Variants in PRKCH observed in about 807,000 individuals in gnomAD.
The protein encoded by PRKCH is protein kinase C eta type.
In PRKCH, 28 loss-of-function variants were observed where a neutral mutation model predicts 82.5. The ratio of observed to expected loss-of-function variants is 0.34; its 90% confidence interval spans 0.25 to 0.47. The LOEUF is 0.47. Among genes scored for constraint, PRKCH ranks in the 20% least tolerant of loss-of-function variants. The probability of loss-of-function intolerance (pLI) is 1.00; values close to 1 mark genes in which losing one functional copy is unlikely to be tolerated. For missense variants in PRKCH, 705 were observed against 881.8 expected, an observed-to-expected ratio of 0.80 and a Z score of 2.54; for synonymous variants, 322 against 327.4, an observed-to-expected ratio of 0.98 and a Z score of 0.18.
intron 10 of PRKCH, among the ~76,000 whole-genome samples, chr14:61,513,608 T>G (rs531088176): frequency 1.7e-4 from 26 of 152,284 alleles, no homozygotes; most frequent in Non-Finnish European, 3.7e-4. Flanking sequence ...TTTTATAAAA[T>G]GTATTAAAAG....
intron 2 of PRKCH, among the ~76,000 whole-genome samples, chr14:61,424,493 C>A (rs1883008715): frequency 6.6e-6 from 1 of 152,202 alleles, no homozygotes; most frequent in Non-Finnish European, 1.5e-5. Flanking sequence ...GTGACTCTTG[C>A]TATGCTTTAG....
chr14:61,326,127 T>C (rs2045692760), intron 1 of PRKCH, among the ~76,000 whole-genome samples: 1 of 152,222 alleles, frequency 6.6e-6, no homozygotes, highest in South Asian at 2.1e-4. Flanking sequence ...AAATCATTCA[T>C]ACAAAAGCTT....
chr14:61,391,904 G>C (rs1203168892), intron 2 of PRKCH, among the ~76,000 whole-genome samples: 1 of 152,078 alleles, frequency 6.6e-6, no homozygotes, highest in South Asian at 2.1e-4. Flanking sequence ...ACATTTCCCT[G>C]TACCCTTTTT....
chr14:61,449,533 C>T (rs901891245), intron 5 of PRKCH, among the ~76,000 whole-genome samples: 1 of 152,076 alleles, frequency 6.6e-6, no homozygotes, highest in African/African-American at 2.4e-5. Flanking sequence ...TAGTGGTTGG[C>T]TGGGTATAAG....
intron 2 of PRKCH, among the ~76,000 whole-genome samples, chr14:61,429,927 C>T (rs888998215): frequency 6.6e-6 from 1 of 152,144 alleles, no homozygotes; most frequent in Non-Finnish European, 1.5e-5. Context: ...CCGCTGTCTT[C>T]CAATATGTAT....
At chr14:61,243,091 A>G (rs112497614) in intron 1 of PRKCH, among the ~76,000 whole-genome samples, 89,672 of 152,036 alleles carry the variant, frequency 0.59, 27,575 homozygotes, top group Non-Finnish European at 0.67. Context: ...TCTGAAAAAA[A>G]AAAATTACTT....
chr14:61,344,906 G>T (rs886573292), intron 1 of PRKCH, among the ~76,000 whole-genome samples: 2 of 152,086 alleles, frequency 1.3e-5, no homozygotes, highest in Non-Finnish European at 2.9e-5. Flanking sequence ...GAACCCCCCA[G>T]TTGATTGATT....
chr14:61,193,973 A>ATGGCTG (rs1047423257), intron 1 of PRKCH, among the ~76,000 whole-genome samples: 1 of 152,024 alleles, frequency 6.6e-6, no homozygotes, highest in African/African-American at 2.4e-5. Context: ...TAGGCCCACC[A>ATGGCTG]TGGCTGTCTA....
chr14:61,189,492 C>G (rs1445317816), intron 1 of PRKCH, among the ~76,000 whole-genome samples: 1 of 149,228 alleles, frequency 6.7e-6, no homozygotes, highest in East Asian at 2.0e-4. Context: ...ACAGACTGCA[C>G]TGAAATGTTA....
chr14:61,543,005 C>T (rs988127525), intron 12 of PRKCH, among the ~76,000 whole-genome samples: 34 of 152,196 alleles, frequency 2.2e-4, no homozygotes, highest in Admixed American at 6.5e-5. Flanking sequence ...GTTGAGAAAT[C>T]TAAGGCTCAG....
chr14:61,446,313 A>G (rs1594715239), intron 4 of PRKCH, among the ~76,000 whole-genome samples: 1 of 152,376 alleles, frequency 6.6e-6, no homozygotes, highest in East Asian at 1.9e-4. Context: ...AAAGAAATAC[A>G]ATGGCAGGAA....
chr14:61,459,412 GT>G (rs983408006), intron 9 of PRKCH, among the ~76,000 whole-genome samples: 2 of 152,220 alleles, frequency 1.3e-5, no homozygotes, highest in African/African-American at 4.8e-5. Context: ...GGGTCTGCTG[GT>G]GAGACAGAGC....
chr14:61,299,474 T>A (rs988320963), intron 1 of PRKCH, among the ~76,000 whole-genome samples: 7 of 67,774 alleles, frequency 1.0e-4, no homozygotes, highest in African/African-American at 2.2e-4. Context: ...ATCACAACTT[T>A]CAGGTTTTTT....
At chr14:61,359,213 T>C (rs1185131383) in intron 1 of PRKCH, among the ~76,000 whole-genome samples, 1 of 152,172 alleles carries the variant, frequency 6.6e-6, no homozygotes, top group Non-Finnish European at 1.5e-5. Flanking sequence ...TTCCTGTTTC[T>C]GTGGACCACA....
intron 9 of PRKCH, among the ~76,000 whole-genome samples, chr14:61,479,171 C>G (rs754496586): frequency 6.6e-6 from 1 of 152,206 alleles, no homozygotes; most frequent in Non-Finnish European, 1.5e-5. Context: ...ACCCACCTGT[C>G]CATCCACCCA....
chr14:61,499,612 C>A (rs11158350), intron 10 of PRKCH, among the ~76,000 whole-genome samples: 126,028 of 152,072 alleles, frequency 0.83, 52,622 homozygotes, highest in Middle Eastern at 0.9. Context: ...GCATTTGCGT[C>A]AAAATTTACT....
chr14:61,434,587 A>G (rs1029288525), intron 2 of PRKCH, among the ~76,000 whole-genome samples: 3 of 152,214 alleles, frequency 2.0e-5, no homozygotes, highest in Non-Finnish European at 4.4e-5. Context: ...GTAGAAGGAA[A>G]CTGTAGGATT....
Position 61,443,106 on chromosome 14 carries a change from T to TA in PRKCH, c.428-4dup. On this transcript the variant is annotated splice_polypyrimidine_tract_variant and splice_region_variant and intron_variant, in intron 2 of 13. Coordinates refer to ENST00000332981, the MANE Select transcript of PRKCH (RefSeq NM_006255.5). The stretch of plus-strand genomic sequence containing the variant: ...ATTCTTTTTTTCCTTCCTTTTAATA[T>TA]ATAGCTACTCTCCAGAGAGACCGGA... The TA allele has an allele frequency of 6.2e-7, 1 of 1,612,288 alleles. No homozygotes were observed. Among genetic ancestry groups the TA allele is most frequent in the Non-Finnish European group, 8.5e-7 (1 of 1,178,996 alleles).
At chr14:61,291,126 A>G (rs1214770611) in intron 1 of PRKCH, among the ~76,000 whole-genome samples, 1 of 152,234 alleles carries the variant, frequency 6.6e-6, no homozygotes, top group African/African-American at 2.4e-5. Context: ...TAAATTTCTT[A>G]TAACCAAATG....
Sources: gnomAD v4.1 joint callset for allele counts (sites outside exome capture counted in the v4.1 genomes callset) on GRCh38, gnomAD v4.1.1 for gene constraint, MANE v1.5 for transcripts, NCBI Gene and HGNC (gene_info 2026-07-23, HGNC 2026-07-21) for gene names.